MAP3K21: variants seen among roughly 807,000 people sequenced by gnomAD.
The protein encoded by MAP3K21 is mitogen-activated protein kinase kinase kinase 21.
MAP3K21 carries 63 observed loss-of-function variants against 86.1 expected under a neutral mutation model. The ratio of observed to expected loss-of-function variants is 0.73; its 90% confidence interval spans 0.60 to 0.90. The LOEUF (loss-of-function observed/expected upper bound fraction) is 0.90. MAP3K21 is among the 40% of genes least tolerant of loss of function. The pLI is 0.00. For synonymous variants in MAP3K21, 558 were observed against 564.8 expected (o/e 0.99, Z 0.17); for missense variants, 1,220 against 1,367.7 (o/e 0.89, Z 1.70).
chr1:233,342,649 G>C (rs192559560), intron 1 of MAP3K21, among the ~76,000 whole-genome samples: 21 of 152,320 alleles, frequency 1.4e-4, no homozygotes, highest in Admixed American at 5.2e-4. Flanking sequence ...TGATAGGGAA[G>C]ATAAAATCAT....
chr1:233,350,021 C>G (rs1663218877), intron 2 of MAP3K21, among the ~76,000 whole-genome samples: 2 of 152,014 alleles, frequency 1.3e-5, no homozygotes. Context: ...ACCTACTTTT[C>G]ACCTGAGGTT....
intron 1 of MAP3K21, among the ~76,000 whole-genome samples, chr1:233,337,600 G>A (rs1191776246): frequency 6.6e-6 from 1 of 152,136 alleles, no homozygotes; most frequent in Non-Finnish European, 1.5e-5. Flanking sequence ...TTGGTTGGAG[G>A]TGAGGGTCTT....
rs1663972913 is a variant in MAP3K21 at position 233,384,573 on chromosome 1, A to C, written c.*1862A>C. On this transcript the variant is annotated 3_prime_UTR_variant, in exon 10 of 10. Transcript: ENST00000366624. ...GTAGCTTCCAGCTTAAGGGTAGAGA[A>C]ATATATACCTAAAATCATCAATACA... The C allele has an allele frequency of 6.6e-6, 1 of 152,152 alleles. No individual in the cohort carries two copies. The highest frequency in any genetic ancestry group is 1.5e-5 in the Non-Finnish European group (1 of 68,018). 9.4% of individuals were successfully genotyped at this position (152,152 alleles called of 1,614,324 possible).
chr1:233,331,790 A>C (rs368578666), intron 1 of MAP3K21, among the ~76,000 whole-genome samples: 10 of 152,318 alleles, frequency 6.6e-5, no homozygotes, highest in African/African-American at 2.4e-4. Context: ...AAGTTTTATC[A>C]TATCTTGTGA....
At position 233,328,168 on chromosome 1, in the gene MAP3K21, A is replaced by G. The variant is rs1201138664; in HGVS notation, c.140A>G (p.Tyr47Cys). The G allele has an allele frequency of 6.8e-7, 1 of 1,469,296 alleles. No homozygotes were observed. The highest frequency in any genetic ancestry group is 8.9e-7 in the Non-Finnish European group (1 of 1,117,424). 91.0% of individuals were successfully genotyped at this position (1,469,296 alleles called of 1,614,324 possible). A position where few individuals can be genotyped will look rare whatever the true frequency, so the allele number is the denominator to read the frequency against. Residue 47 changes from tyrosine to cysteine, a missense_variant, in exon 1 of 10, where the codon TAT becomes TGT. Physicochemically the swap from Tyr to Cys is radical, Grantham distance 194 (BLOSUM62 -2). Transcript: ENST00000366624. The surrounding 1 kb of genome is among the most constrained non-coding windows in gnomAD (Gnocchi z 8.7). ...GGCGCGGGGCTGTGGGCCGCGCTCTATGACTACGAGGCTCGCGGCGAGGAC... is the reference window on the plus strand; with the variant it reads ...GGCGCGGGGCTGTGGGCCGCGCTCTGTGACTACGAGGCTCGCGGCGAGGAC... ...SAGAGLWAALYDYEARGEDEL... is the reference protein window; with the variant it reads ...SAGAGLWAALCDYEARGEDEL...
chr1:233,347,688 A>G (rs1663174023), intron 2 of MAP3K21, among the ~76,000 whole-genome samples: 1 of 152,202 alleles, frequency 6.6e-6, no homozygotes, highest in Admixed American at 6.5e-5. Context: ...TTGGGTACTC[A>G]GGGATATAAC....
intron 8 of MAP3K21, among the ~76,000 whole-genome samples, chr1:233,377,101 GATAAATAA>G (rs57896561): frequency 2.0e-5 from 3 of 150,876 alleles, no homozygotes; most frequent in South Asian, 2.1e-4. Context: ...TCTATCTCTA[GATAAATAA>G]ATAAATAAAT....
chr1:233,334,779 G>A (rs1404965935), intron 1 of MAP3K21, among the ~76,000 whole-genome samples: 2 of 152,158 alleles, frequency 1.3e-5, no homozygotes, highest in South Asian at 2.1e-4. Context: ...ATAAGCTTGC[G>A]GTCATTGCTT....
intron 5 of MAP3K21, among the ~76,000 whole-genome samples, chr1:233,363,274 G>A (rs775787698): frequency 1.3e-5 from 2 of 152,216 alleles, no homozygotes; most frequent in Non-Finnish European, 2.9e-5. Context: ...AAGTGCAACA[G>A]TGACAGTTTT....
chr1:233,339,958 A>G (rs1330727848), intron 1 of MAP3K21, among the ~76,000 whole-genome samples: 1 of 152,208 alleles, frequency 6.6e-6, no homozygotes, highest in Non-Finnish European at 1.5e-5. Context: ...TCATTCATTC[A>G]GCAAACACTT....
At chr1:233,347,835 C>T (rs1663179456) in intron 2 of MAP3K21, among the ~76,000 whole-genome samples, 2 of 152,030 alleles carry the variant, frequency 1.3e-5, no homozygotes, top group African/African-American at 4.8e-5. Flanking sequence ...CAACATCACA[C>T]GACATACCCA....
intron 4 of MAP3K21, among the ~76,000 whole-genome samples, chr1:233,359,871 A>G (rs1013876838): frequency 1.3e-5 from 2 of 152,214 alleles, no homozygotes; most frequent in Non-Finnish European, 2.9e-5. Flanking sequence ...TTACTTTTGA[A>G]TGTGTTCAAA....
intron 1 of MAP3K21, among the ~76,000 whole-genome samples, chr1:233,333,949 G>A (rs1237997891): frequency 2.6e-5 from 4 of 152,182 alleles, no homozygotes; most frequent in South Asian, 4.1e-4. Context: ...TGCAAGCTCC[G>A]TCTCCCGGGT....
At chr1:233,349,778 A>G (rs1663214015) in intron 2 of MAP3K21, among the ~76,000 whole-genome samples, 1 of 152,088 alleles carries the variant, frequency 6.6e-6, no homozygotes, top group African/African-American at 2.4e-5. Context: ...CTCTACTAAA[A>G]ATACAAAAAT....
chr1:233,345,436 C>T (rs991818913), intron 1 of MAP3K21, among the ~76,000 whole-genome samples: 2 of 152,000 alleles, frequency 1.3e-5, no homozygotes, highest in African/African-American at 4.8e-5. Context: ...TTTGCAGGGA[C>T]ATGGATGAAG....
At position 233,376,482 on chromosome 1, in the gene MAP3K21, A is replaced by T. The variant is rs778520993; in HGVS notation, c.1879A>T (p.Asn627Tyr). Residue 627 changes from asparagine to tyrosine, a missense_variant, in exon 8 of 10, where the codon AAT (asparagine) becomes TAT (tyrosine). Asn to Tyr is a moderately radical substitution (Grantham distance 143, BLOSUM62 -2). Transcript: ENST00000366624. ...NSPWSTILIK[N>Y]QKTMPLASLF... ...TCCTTGGTCAACTATCTTAATAAAA[A>T]ATCAGAAAACCATGCCCTTGGCTTC... is the stretch of plus-strand genomic sequence containing the variant. 8.1e-6 allele frequency: 13 copies of T among 1,613,762 alleles called. No homozygotes were observed. The South Asian group carries it at 1.3e-4, about 16-fold the overall frequency.
Position 233,354,901 on chromosome 1 carries a change from A to T in MAP3K21, c.1201A>T (p.Ile401Phe). 6.2e-7 allele frequency: 1 copy of T among 1,613,750 alleles called. No homozygotes were observed. The highest frequency in any genetic ancestry group is 8.5e-7 in the Non-Finnish European group (1 of 1,179,656). ...CTTAATTCTCGAACAGTTGACTGCT[A>T]TTGAAGGGGCAGTGATGACTGAGAT... ...FALILEQLTAIEGAVMTEMPQ... is the reference protein window; with the variant it reads ...FALILEQLTAFEGAVMTEMPQ... Residue 401 changes from isoleucine to phenylalanine, a missense_variant, in exon 4 of 10, where the codon ATT (isoleucine) becomes TTT (phenylalanine). This residue lies in a region of MAP3K21 where 126 missense variants were observed against 127.7 expected (regional missense o/e 0.99). Transcript: ENST00000366624.
intron 6 of MAP3K21, among the ~76,000 whole-genome samples, chr1:233,375,584 C>T (rs1279149271): frequency 1.3e-5 from 2 of 152,158 alleles, no homozygotes; most frequent in Non-Finnish European, 2.9e-5. Flanking sequence ...TTTTAAGTTA[C>T]ATGTTTAGTT....
At position 233,328,861 on chromosome 1, in the gene MAP3K21, A is replaced by G; in HGVS notation, c.805+28A>G. ...AAGTGGGGCCAGAGGGAGGTGGGGGAAGACTACCTCCGTGCCAGCCCAGGC... is the reference window on the plus strand; with the variant it reads ...AAGTGGGGCCAGAGGGAGGTGGGGGGAGACTACCTCCGTGCCAGCCCAGGC... On this transcript the variant is annotated intron_variant, in intron 1 of 9. Transcript: ENST00000366624. This position sits in a 1 kb window ranked among gnomAD's most constrained non-coding sequence, Gnocchi z 8.7. 2 of 1,475,720 alleles carry G rather than the reference A, an allele frequency of 1.4e-6. No homozygotes were observed. Among genetic ancestry groups the G allele is most frequent in the East Asian group, 2.8e-5 (1 of 35,156 alleles). 91.4% of individuals were successfully genotyped at this position (1,475,720 alleles called of 1,614,324 possible). A position where few individuals can be genotyped will look rare whatever the true frequency, so the allele number is the denominator to read the frequency against.
Sources: allele counts gnomAD v4.1 joint callset (sites outside exome capture counted in the v4.1 genomes callset), GRCh38; gene constraint gnomAD v4.1.1; regional missense constraint gnomAD v4.1.1; non-coding constraint Gnocchi (gnomAD v3.1); transcripts MANE v1.5; gene names NCBI Gene and HGNC (gene_info 2026-07-23, HGNC 2026-07-21).